DNAH17: variants seen among roughly 807,000 people sequenced by gnomAD.
DNAH17 encodes dynein axonemal heavy chain 17.
In DNAH17, 376 loss-of-function variants were observed where a neutral mutation model predicts 485.6. The observed-to-expected ratio is 0.77, with a 90% CI of 0.71 to 0.84. DNAH17 has a LOEUF of 0.84. Among genes scored for constraint, DNAH17 ranks in the 40% least tolerant of loss-of-function variants. DNAH17 has a pLI of 0.00. For synonymous variants in DNAH17, 3,031 were observed against 2,405.9 expected (o/e 1.26, Z -7.60); for missense variants, 6,370 against 5,839.3 (o/e 1.09, Z -2.96).
chr17:78,501,782 A>T lies in DNAH17; in HGVS notation c.5282T>A (p.Val1761Glu). Reference protein sequence around the residue: ...MKIMTICTIDVHARDVVAKMI... With the variant: ...MKIMTICTIDEHARDVVAKMI... Reference sequence around the variant, plus strand: ...TTTGGCCACCACGTCCCGTGCGTGCACATCGATGGTGCAGATGGTCATGAT... The same window carrying T: ...TTTGGCCACCACGTCCCGTGCGTGCTCATCGATGGTGCAGATGGTCATGAT... Residue 1761 changes from valine to glutamate, a missense_variant, in exon 34 of 81, where the codon GTG becomes GAG. Transcript: ENST00000389840. The T allele has an allele frequency of 2.5e-6, 4 of 1,613,894 alleles. No homozygotes were observed. Among genetic ancestry groups the T allele is most frequent in the Non-Finnish European group, 3.4e-6 (4 of 1,179,876 alleles).
intron 68 of DNAH17, chr17:78,449,998 T>G: frequency 1.9e-6 from 1 of 536,750 alleles, no homozygotes; most frequent in South Asian, 2.4e-5. Flanking sequence ...TTGATTGGGT[T>G]GTGAGTGCCT....
intron 11 of DNAH17, among the ~76,000 whole-genome samples, chr17:78,564,958 T>G (rs975983837): frequency 1.2e-4 from 18 of 152,220 alleles, no homozygotes; most frequent in Admixed American, 2.6e-4. Flanking sequence ...GTTGCCAGAT[T>G]CTTTGCTTAG....
At chr17:78,447,296 TG>T (rs2087351244) in intron 69 of DNAH17, among the ~76,000 whole-genome samples, 1 of 152,208 alleles carries the variant, frequency 6.6e-6, no homozygotes, top group Admixed American at 6.5e-5. Flanking sequence ...GGACAGATGC[TG>T]GACACCTGTT....
chr17:78,494,532 GGGAA>G, intron 40 of DNAH17, 57 bp downstream of exon 40: 1 of 1,538,792 alleles, frequency 6.5e-7, no homozygotes, highest in Non-Finnish European at 8.9e-7. Context: ...CAACATCAGT[GGGAA>G]GGAAGCCCCA....
Position 78,476,559 on chromosome 17 carries a change from C to A in DNAH17, c.8154+13G>T, listed in dbSNP as rs544898927. 3 of 1,604,466 alleles carry A rather than the reference C, an allele frequency of 1.9e-6. No homozygotes were observed. The highest frequency in any genetic ancestry group is 2.6e-6 in the Non-Finnish European group (3 of 1,175,444). On this transcript the variant is annotated intron_variant, in intron 52 of 80. Transcript: ENST00000389840. Reference sequence around the variant, plus strand: ...TTCTGGGCTCGGCAGAGGGACTGGGCAGCTTGACTTACATCAAAGAACTTC... The same window carrying A: ...TTCTGGGCTCGGCAGAGGGACTGGGAAGCTTGACTTACATCAAAGAACTTC...
rs71160297 is a variant in DNAH17 at position 78,457,657 on chromosome 17, C to CT, written c.9977+907dup. The stretch of plus-strand genomic sequence containing the variant: ...TACAGGTGCGCACAGCCGTGCCTGG[C>CT]TTTTTTTTTTTTTTTTTTTTTTTAG... On this transcript the variant is annotated intron_variant, in intron 62 of 80. Transcript: ENST00000389840. Among the ~76,000 whole-genome samples, 171 of 66,742 alleles carry CT rather than the reference C, an allele frequency of 2.6e-3. 2 individuals are homozygous for CT. Among genetic ancestry groups the CT allele is most frequent in the South Asian group, 6.1e-3 (10 of 1,636 alleles). The allele number at this position is 66,742 out of a possible 152,430, so 43.8% of individuals were successfully genotyped here.
At chr17:78,518,309 C>T (rs879842523) in intron 25 of DNAH17, among the ~76,000 whole-genome samples, 23 of 152,092 alleles carry the variant, frequency 1.5e-4, no homozygotes, top group African/African-American at 2.2e-4. Context: ...AAGATCAGGA[C>T]GAACACTAGT....
intron 25 of DNAH17, chr17:78,522,741 G>T: frequency 4.7e-6 from 1 of 212,400 alleles, no homozygotes. Flanking sequence ...AAAGGACCAG[G>T]CAAAAACAAT....
rs147089197 is a variant in DNAH17, at chr17:78,480,453, G to A, written c.7752+231C>T. Among the ~76,000 whole-genome samples, 244 of 152,296 alleles carry A rather than the reference G, an allele frequency of 1.6e-3. 1 individual carries two copies. The highest frequency in any genetic ancestry group is 5.7e-3 in the African/African-American group (236 of 41,550). ...ATTTATCTGGAGTTTGGATTTAACT[G>A]CAATTTTATTTGCTAACTCTGCCAG... is the stretch of plus-strand genomic sequence containing the variant. On this transcript the variant is annotated intron_variant, in intron 49 of 80. Coordinates refer to ENST00000389840, the MANE Select transcript of DNAH17 (RefSeq NM_173628.4).
chr17:78,547,294 T>C (rs2091789603), intron 16 of DNAH17, among the ~76,000 whole-genome samples: 1 of 152,196 alleles, frequency 6.6e-6, no homozygotes, highest in African/African-American at 2.4e-5. Flanking sequence ...CCCCTGCATG[T>C]GTGAGGATGA....
intron 34 of DNAH17, 74 bp from the exon 35 acceptor site, chr17:78,501,418 C>A: frequency 6.7e-7 from 1 of 1,498,396 alleles, no homozygotes; most frequent in South Asian, 1.3e-5. Context: ...GGCCAGCATG[C>A]CTCCAAGGCC....
intron 17 of DNAH17, among the ~76,000 whole-genome samples, 173 bp from the exon 18 acceptor site, chr17:78,540,053 T>G (rs1473108868): frequency 1.3e-5 from 2 of 152,164 alleles, no homozygotes; most frequent in Non-Finnish European, 2.9e-5. Flanking sequence ...TTTGCACGGC[T>G]GCTCCCTCAC....
chr17:78,500,562 G>A, intron 35 of DNAH17, 101 bp from the exon 36 acceptor site: 1 of 1,233,988 alleles, frequency 8.1e-7, no homozygotes, highest in Non-Finnish European at 1.1e-6. Flanking sequence ...AGGCTGGAGT[G>A]CAGTGGTACA....
chr17:78,532,560 G>A lies in DNAH17; in HGVS notation c.3036C>T (p.Val1012=), dbSNP rs1047720549. 1 of 1,610,550 alleles carries A rather than the reference G, an allele frequency of 6.2e-7. No homozygotes were observed. Among genetic ancestry groups the A allele is most frequent in the Non-Finnish European group, 8.5e-7 (1 of 1,178,490 alleles). The change falls in exon 20 of 81, where the codon GTC becomes GTT. Residue 1012 remains valine (V), a synonymous_variant. Coordinates refer to ENST00000389840, the MANE Select transcript of DNAH17 (RefSeq NM_173628.4). ...TCCAGGTGTCCAAGTCCTCCGCAGT[G>A]ACTGCACACCCATATATCAGGAAAT... ...MKNFLIYGCA[V]TAEDLDTWTD... is the part of the protein sequence containing the mutation.
chr17:78,454,691 G>T lies in DNAH17; in HGVS notation c.10185C>A (p.Ile3395=), dbSNP rs768618108. 1.9e-6 allele frequency: 3 copies of T among 1,612,316 alleles called. No homozygotes were observed. The highest frequency in any genetic ancestry group is 1.7e-4 in the Middle Eastern group (1 of 6,058). Residue 3395 remains isoleucine, a synonymous_variant, in exon 64 of 81, where the codon ATC becomes ATA. Coordinates refer to ENST00000389840, the MANE Select transcript of DNAH17 (RefSeq NM_173628.4). Reference sequence around the variant, plus strand: ...GGCTCAAGGGATCCAGGCCATTCGTGATCGGGATGGGGACCTGCCCAGGGA... The same window carrying T: ...GGCTCAAGGGATCCAGGCCATTCGTTATCGGGATGGGGACCTGCCCAGGGA... The part of the protein sequence containing the change: ...YIHNLKVPIP[I]TNGLDPLSLL...
intron 16 of DNAH17, among the ~76,000 whole-genome samples, chr17:78,547,508 C>A (rs8071885): frequency 4.6e-5 from 7 of 152,028 alleles, no homozygotes; most frequent in African/African-American, 1.7e-4. Flanking sequence ...CATGTGTCAT[C>A]TGGCCTGGAA....
intron 54 of DNAH17, chr17:78,472,838 T>A: frequency 2.3e-6 from 1 of 429,924 alleles, no homozygotes; most frequent in Non-Finnish European, 4.8e-6. Context: ...TCCACCCAGG[T>A]CACCCTTCAG....
At chr17:78,542,367 C>T (rs537077880) in intron 17 of DNAH17, among the ~76,000 whole-genome samples, 2 of 152,184 alleles carry the variant, frequency 1.3e-5, no homozygotes, top group South Asian at 4.2e-4. Context: ...AGGCTGGTCT[C>T]AAACTCCTGA....
Position 78,561,722 on chromosome 17 carries a change from C to T in DNAH17, c.1828G>A (p.Glu610Lys), listed in dbSNP as rs560059384. The T allele has an allele frequency of 2.4e-5, 38 of 1,605,410 alleles. No individual in the cohort carries two copies. The highest frequency in any genetic ancestry group is 1.3e-4 in the East Asian group (6 of 44,674). ...EVSMKHLKHV[E>K]HPVMSGAEAK... ...CCCAGGGCTGTGACTCACGGGTGTT[C>T]GACGTGCTTCAGGTGTTTCATGGAC... The change falls in exon 12 of 81, where the codon GAA becomes AAA. Residue 610 changes from glutamate to lysine, a missense_variant. By Grantham distance (56) the Glu-to-Lys change is moderately conservative (BLOSUM62 1). Transcript: ENST00000389840.
Sources: gnomAD v4.1 joint callset for allele counts (sites outside exome capture counted in the v4.1 genomes callset) on GRCh38, gnomAD v4.1.1 for gene constraint, MANE v1.5 for transcripts, NCBI Gene and HGNC (gene_info 2026-07-23, HGNC 2026-07-21) for gene names.